Variants in OR4K17 observed in about 807,000 individuals in gnomAD.
The protein encoded by OR4K17 is olfactory receptor family 4 subfamily K member 17.
For missense variants in OR4K17, 480 were observed against 366.3 expected (o/e 1.31, Z -2.53); for synonymous variants, 157 against 132.8 (o/e 1.18, Z -1.25).
intron 1 of OR4K17, among the ~76,000 whole-genome samples, chr14:20,113,117 A>G (rs188279406): frequency 9.2e-5 from 14 of 152,198 alleles, no homozygotes; most frequent in Middle Eastern, 3.4e-3. Flanking sequence ...ATATGGCATT[A>G]CAGCAATCCC....
rs1427138802 is a variant in OR4K17, at chr14:20,120,792, C to CA, written c.*2358dup. On this transcript the variant is annotated 3_prime_UTR_variant, in exon 2 of 2. Transcript: ENST00000641386. ...GGTACCCCTCGTCAGACATTTATGC[C>CA]AAAACCACCACAAGCAGTTTCTCAA... 4 of 152,362 alleles carry CA rather than the reference C, an allele frequency of 2.6e-5. No individual in the cohort carries two copies. The highest frequency in any genetic ancestry group is 4.8e-5 in the African/African-American group (2 of 41,460). 9.4% of individuals were successfully genotyped at this position (152,362 alleles called of 1,614,324 possible).
chr14:20,120,892 T>C lies in OR4K17; in HGVS notation c.*2454T>C, dbSNP rs1878150860. The C allele has an allele frequency of 6.6e-6, 1 of 152,290 alleles. No homozygotes were observed. Among genetic ancestry groups the C allele is most frequent in the South Asian group, 2.1e-4 (1 of 4,838 alleles). The allele number at this position is 152,290 out of a possible 1,614,324, so 9.4% of individuals were successfully genotyped here. A position where few individuals can be genotyped will look rare whatever the true frequency, so the allele number is the denominator to read the frequency against. On this transcript the variant is annotated 3_prime_UTR_variant, in exon 2 of 2. Transcript: ENST00000641386. ...GGAGAAAAAGAGATAGAAAGGACTT[T>C]AGCAGCCCTAGCCACCAAAGACCAC...
In OR4K17 at chr14:20,118,007, G is replaced by T; in HGVS notation, c.508G>T (p.Gly170Cys). 1.2e-6 allele frequency: 2 copies of T among 1,614,112 alleles called. No homozygotes were observed. Among genetic ancestry groups the T allele is most frequent in the Non-Finnish European group, 1.7e-6 (2 of 1,180,016 alleles). The change falls in exon 2 of 2, where the codon GGT becomes TGT. Residue 170 changes from glycine to cysteine, a missense_variant. By Grantham distance (159) the Gly-to-Cys change is radical. Coordinates refer to ENST00000641386, the MANE Select transcript of OR4K17 (RefSeq NM_001004715.5). ...ATTTGCTGTGAACTTGCCCTTTTGTGGTCCCAATGTGGTAGACAGCATTTT... is the reference window on the plus strand; with the variant it reads ...ATTTGCTGTGAACTTGCCCTTTTGTTGTCCCAATGTGGTAGACAGCATTTT... ...IPFAVNLPFC[G>C]PNVVDSIFCD...
At position 20,117,536 on chromosome 14, in the gene OR4K17, A is replaced by T. The variant is rs1393786877; in HGVS notation, c.37A>T (p.Ile13Phe). The T allele has an allele frequency of 6.2e-6, 10 of 1,613,810 alleles. No individual in the cohort carries two copies. The highest frequency in any genetic ancestry group is 2.2e-5 in the South Asian group (2 of 91,044). Reference protein sequence around the residue: ...LLNQSQVSEFILLGLTSSQDV... With the variant: ...LLNQSQVSEFFLLGLTSSQDV... ...AAATCAATCTCAAGTGTCAGAATTC[A>T]TTTTGCTGGGACTGACCAGCTCCCA... The change falls in exon 2 of 2, where the codon ATT becomes TTT. Residue 13 changes from isoleucine (I) to phenylalanine (F), a missense_variant. Transcript: ENST00000641386.
At chr14:20,111,527 A>G (rs1877883412) in intron 1 of OR4K17, among the ~76,000 whole-genome samples, 2 of 152,020 alleles carry the variant, frequency 1.3e-5, no homozygotes, top group South Asian at 4.1e-4. Context: ...AATTAAAGTC[A>G]TTAAAATGAC....
At chr14:20,117,262 A>G (rs1878014551) in intron 1 of OR4K17, 3 of 595,480 alleles carry the variant, frequency 5.0e-6, no homozygotes, top group African/African-American at 3.8e-5. Flanking sequence ...TGGGAAACCA[A>G]CAGCATCAAT....
chr14:20,112,841 T>C (rs1877910380), intron 1 of OR4K17, among the ~76,000 whole-genome samples: 1 of 152,062 alleles, frequency 6.6e-6, no homozygotes, highest in Non-Finnish European at 1.5e-5. Context: ...TCAGATAATA[T>C]ACAAATGTAT....
chr14:20,118,422 C>A lies in OR4K17; in HGVS notation c.923C>A (p.Ser308Tyr). ...MKKLWRAFVN[S>Y]REDT Reference sequence around the variant, plus strand: ...AAACTCTGGAGAGCTTTTGTGAATTCTAGAGAAGATACTTAGATTAAAAAT... The same window carrying A: ...AAACTCTGGAGAGCTTTTGTGAATTATAGAGAAGATACTTAGATTAAAAAT... Residue 308 changes from serine (S) to tyrosine (Y), a missense_variant, in exon 2 of 2, where the codon TCT (serine) becomes TAT (tyrosine). Transcript: ENST00000641386. 1 of 1,591,642 alleles carries A rather than the reference C, an allele frequency of 6.3e-7. No homozygotes were observed. The highest frequency in any genetic ancestry group is 8.6e-7 in the Non-Finnish European group (1 of 1,165,456).
In OR4K17 at chr14:20,118,878, C is replaced by G. The variant is rs1281288733; in HGVS notation, c.*440C>G. The stretch of plus-strand genomic sequence containing the variant: ...GGGCACTCATTGCCATTGATAACAT[C>G]TTATCAGGAGACAGGGTTTGAGAGC... On this transcript the variant is annotated 3_prime_UTR_variant, in exon 2 of 2. Coordinates refer to ENST00000641386, the MANE Select transcript of OR4K17 (RefSeq NM_001004715.5). 1 of 159,930 alleles carries G rather than the reference C, an allele frequency of 6.3e-6. No homozygotes were observed. The highest frequency in any genetic ancestry group is 1.4e-5 in the Non-Finnish European group (1 of 73,308). 9.9% of individuals were successfully genotyped at this position (159,930 alleles called of 1,614,324 possible).
At chr14:20,116,836 G>GA (rs1259611495) in intron 1 of OR4K17, among the ~76,000 whole-genome samples, 1 of 151,978 alleles carries the variant, frequency 6.6e-6, no homozygotes, top group Non-Finnish European at 1.5e-5. Context: ...AGTCACATCA[G>GA]AAAAAAATAA....
Position 20,120,145 on chromosome 14 carries a change from G to A in OR4K17, c.*1707G>A, listed in dbSNP as rs979226870. The A allele has an allele frequency of 6.6e-6, 1 of 152,136 alleles. No individual in the cohort carries two copies. The highest frequency in any genetic ancestry group is 1.5e-5 in the Non-Finnish European group (1 of 68,020). 9.4% of individuals were successfully genotyped at this position (152,136 alleles called of 1,614,324 possible). On this transcript the variant is annotated 3_prime_UTR_variant, in exon 2 of 2. Coordinates refer to ENST00000641386, the MANE Select transcript of OR4K17 (RefSeq NM_001004715.5). ...ATGAAATAAAGTGAATCCTCAAAATGTCTGTCACATTTTTACTGTATAATT... is the reference window on the plus strand; with the variant it reads ...ATGAAATAAAGTGAATCCTCAAAATATCTGTCACATTTTTACTGTATAATT...
rs1034368178 is a variant in OR4K17 at position 20,118,746 on chromosome 14, A to G, written c.*308A>G. 21 of 211,482 alleles carry G rather than the reference A, an allele frequency of 9.9e-5. No homozygotes were observed. The highest frequency in any genetic ancestry group is 4.9e-4 in the African/African-American group (21 of 42,492). 13.1% of individuals were successfully genotyped at this position (211,482 alleles called of 1,614,324 possible). A position where few individuals can be genotyped will look rare whatever the true frequency, so the allele number is the denominator to read the frequency against. On this transcript the variant is annotated 3_prime_UTR_variant, in exon 2 of 2. Coordinates refer to ENST00000641386, the MANE Select transcript of OR4K17 (RefSeq NM_001004715.5). ...TACGAATAGGGTGTGGGTCACAGAG[A>G]TCACATGCATCACAAGGCAATAAAA... is the stretch of plus-strand genomic sequence containing the variant.
At chr14:20,116,468 T>C (rs1877995051) in intron 1 of OR4K17, among the ~76,000 whole-genome samples, 1 of 152,136 alleles carries the variant, frequency 6.6e-6, no homozygotes, top group Non-Finnish European at 1.5e-5. Context: ...ATGGGGGCTG[T>C]TGCCACTCAT....
In OR4K17 at chr14:20,118,727, T is replaced by C. The variant is rs762340993; in HGVS notation, c.*289T>C. 2 of 259,968 alleles carry C rather than the reference T, an allele frequency of 7.7e-6. No homozygotes were observed. The highest frequency in any genetic ancestry group is 5.1e-5 in the Admixed American group (1 of 19,620). The allele number at this position is 259,968 out of a possible 1,614,324, so 16.1% of individuals were successfully genotyped here. A position where few individuals can be genotyped will look rare whatever the true frequency, so the allele number is the denominator to read the frequency against. ...TTTCAAAAGGGAGGCAGTGTACGAA[T>C]AGGGTGTGGGTCACAGAGATCACAT... On this transcript the variant is annotated 3_prime_UTR_variant, in exon 2 of 2. Coordinates refer to ENST00000641386, the MANE Select transcript of OR4K17 (RefSeq NM_001004715.5).
At chr14:20,117,191 G>T (rs2139055721) in intron 1 of OR4K17, among the ~76,000 whole-genome samples, 1 of 152,242 alleles carries the variant, frequency 6.6e-6, no homozygotes, top group South Asian at 2.1e-4. Context: ...CCTGAAGATG[G>T]TTCTATCTCT....
In OR4K17 at chr14:20,122,005, T is replaced by G. The variant is rs1242662660; in HGVS notation, c.*3567T>G. 6.6e-6 allele frequency: 1 copy of G among 152,148 alleles called. No homozygotes were observed. Among genetic ancestry groups the G allele is most frequent in the African/African-American group, 2.4e-5 (1 of 41,458 alleles). The allele number at this position is 152,148 out of a possible 1,614,324, so 9.4% of individuals were successfully genotyped here. A position where few individuals can be genotyped will look rare whatever the true frequency, so the allele number is the denominator to read the frequency against. On this transcript the variant is annotated 3_prime_UTR_variant, in exon 2 of 2. Transcript: ENST00000641386. ...ATGCATGTAAGTTTTATGCAAATACTGTGACATTTTGTATAAGGGACTTAA... is the reference window on the plus strand; with the variant it reads ...ATGCATGTAAGTTTTATGCAAATACGGTGACATTTTGTATAAGGGACTTAA...
chr14:20,112,955 C>T (rs1433488098), intron 1 of OR4K17, among the ~76,000 whole-genome samples: 1 of 151,978 alleles, frequency 6.6e-6, no homozygotes, highest in Non-Finnish European at 1.5e-5. Context: ...CAAGTGTTCT[C>T]AATTGCTGCC....
In OR4K17 at chr14:20,121,376, A is replaced by G. The variant is rs1878164947; in HGVS notation, c.*2938A>G. 1 of 152,206 alleles carries G rather than the reference A, an allele frequency of 6.6e-6. No homozygotes were observed. The highest frequency in any genetic ancestry group is 1.5e-5 in the Non-Finnish European group (1 of 68,026). The allele number at this position is 152,206 out of a possible 1,614,324, so 9.4% of individuals were successfully genotyped here. A position where few individuals can be genotyped will look rare whatever the true frequency, so the allele number is the denominator to read the frequency against. On this transcript the variant is annotated 3_prime_UTR_variant, in exon 2 of 2. Coordinates refer to ENST00000641386, the MANE Select transcript of OR4K17 (RefSeq NM_001004715.5). ...AATCAAGCAAACAACAAACAAAAAA[A>G]TGGGGAAATTTGATGAAGAGATTGA...
At chr14:20,114,984 C>A (rs1307015665) in intron 1 of OR4K17, among the ~76,000 whole-genome samples, 1 of 152,050 alleles carries the variant, frequency 6.6e-6, no homozygotes, top group East Asian at 1.9e-4. Flanking sequence ...CACTGTCAAG[C>A]TTAAACAAGA....
Sources: gnomAD v4.1 joint callset for allele counts (sites outside exome capture counted in the v4.1 genomes callset) on GRCh38, gnomAD v4.1.1 for gene constraint, MANE v1.5 for transcripts, NCBI Gene and HGNC (gene_info 2026-07-23, HGNC 2026-07-21) for gene names.